Variants in KDM4C observed in about 807,000 individuals in gnomAD.
The protein encoded by KDM4C is lysine-specific demethylase 4C.
In KDM4C, 81 loss-of-function variants were observed where a neutral mutation model predicts 129.3. That is an observed-to-expected ratio of 0.63 (90% CI 0.52 to 0.75). KDM4C has a LOEUF of 0.75. Ranked by LOEUF, KDM4C falls within the 30% of genes least tolerant of loss-of-function variation. The pLI, the probability that KDM4C is intolerant of heterozygous loss-of-function variation, is 0.00. For missense variants in KDM4C, 1,457 were observed against 1,304.0 expected (o/e 1.12, Z -1.81); for synonymous variants, 573 against 456.1 (o/e 1.26, Z -3.26).
At chr9:6,773,657 G>A (rs1192776044) in intron 1 of KDM4C, among the ~76,000 whole-genome samples, 1 of 151,976 alleles carries the variant, frequency 6.6e-6, no homozygotes, top group African/African-American at 2.4e-5. Flanking sequence ...TATAATCCCA[G>A]CTGCTCAGGT....
At chr9:6,940,581 T>A (rs549530671) in intron 8 of KDM4C, among the ~76,000 whole-genome samples, 13 of 150,946 alleles carry the variant, frequency 8.6e-5, no homozygotes, top group Non-Finnish European at 2.9e-5. Context: ...GCAGAGATAT[T>A]CTTGAAAGTC....
At chr9:7,082,511 T>G in intron 17 of KDM4C, among the ~76,000 whole-genome samples, 1 of 152,166 alleles carries the variant, frequency 6.6e-6, no homozygotes, top group Non-Finnish European at 1.5e-5. Flanking sequence ...GGGATATGGC[T>G]TTTTCAGTAG....
intron 4 of KDM4C, among the ~76,000 whole-genome samples, chr9:6,841,717 G>A (rs1021641571): frequency 5.9e-5 from 9 of 152,150 alleles, no homozygotes; most frequent in African/African-American, 9.7e-5. Flanking sequence ...AGGTTTGTGG[G>A]CAAGTGACTA....
chr9:6,825,038 C>T (rs577111892), intron 4 of KDM4C, among the ~76,000 whole-genome samples: 2 of 151,058 alleles, frequency 1.3e-5, no homozygotes, highest in South Asian at 2.1e-4. Flanking sequence ...CCCAGCTACC[C>T]GAGAGGCAGA....
chr9:6,801,353 C>T (rs1163404263), intron 2 of KDM4C, among the ~76,000 whole-genome samples: 2 of 148,248 alleles, frequency 1.3e-5, no homozygotes, highest in Admixed American at 1.4e-4. Flanking sequence ...CCTGCCTCAG[C>T]CTCCAGAGTA....
intron 4 of KDM4C, among the ~76,000 whole-genome samples, chr9:6,820,196 G>C (rs1303016560): frequency 6.6e-6 from 1 of 152,156 alleles, no homozygotes; most frequent in Non-Finnish European, 1.5e-5. Context: ...GGCAGTATGA[G>C]CAGGCCTGCA....
Position 6,758,516 on chromosome 9 carries a change from G to A in KDM4C, c.-18+313G>A, listed in dbSNP as rs1311291090. Among the ~76,000 whole-genome samples, 3 of 151,114 alleles carry A rather than the reference G, an allele frequency of 2.0e-5. No homozygotes were observed. On this transcript the variant is annotated intron_variant, in intron 1 of 21. Transcript: ENST00000381309. The surrounding 1 kb of genome is among the most constrained non-coding windows in gnomAD (Gnocchi z 4.6). ...CCTCCTTGGGGCAGAGGAGCGCTCGGGCGGTCCTGGGATGCGGACCTCTTA... is the reference window on the plus strand; with the variant it reads ...CCTCCTTGGGGCAGAGGAGCGCTCGAGCGGTCCTGGGATGCGGACCTCTTA...
Position 6,909,967 on chromosome 9 carries a change from GT to G in KDM4C, c.921+16736del, listed in dbSNP as rs1383353442. On this transcript the variant is annotated intron_variant, in intron 8 of 21. Transcript: ENST00000381309. Reference sequence around the variant, plus strand: ...TGAATAGAAAAGTATATGATAGGTAGTGGGTTAATATCCTTAATAAGGTGCA... The same window carrying G: ...TGAATAGAAAAGTATATGATAGGTAGGGGTTAATATCCTTAATAAGGTGCA... Among the ~76,000 whole-genome samples the G allele has an allele frequency of 9.2e-5, 14 of 152,296 alleles. No homozygotes were observed. In the East Asian group the frequency reaches 2.7e-3, roughly 29 times the overall value.
rs146913112 is a variant in KDM4C, at chr9:7,034,098, A to T, written c.2260-12764A>T. On this transcript the variant is annotated intron_variant, in intron 15 of 21. Coordinates refer to ENST00000381309, the MANE Select transcript of KDM4C (RefSeq NM_015061.6). The stretch of plus-strand genomic sequence containing the variant: ...TTAAAAAATTGTTTTTTAAATTGAC[A>T]TAATTGTACATATTCATGGGGTACA... Among the ~76,000 whole-genome samples, 7 of 152,164 alleles carry T rather than the reference A, an allele frequency of 4.6e-5. No homozygotes were observed. In the East Asian group the frequency reaches 1.4e-3, roughly 29 times the overall value.
At chr9:6,733,660 A>G (rs917490439) in intron 1 of KDM4C, among the ~76,000 whole-genome samples, 2 of 152,234 alleles carry the variant, frequency 1.3e-5, no homozygotes, top group African/African-American at 2.4e-5. Flanking sequence ...ATCTCGCGCA[A>G]GAAAGAGTTC....
At chr9:6,887,314 A>G (rs2130842191) in intron 6 of KDM4C, among the ~76,000 whole-genome samples, 1 of 152,286 alleles carries the variant, frequency 6.6e-6, no homozygotes. Context: ...CGTATAATAT[A>G]CTGTTGAATG....
At chr9:6,988,707 T>TCCA (rs1818191185) in intron 11 of KDM4C, among the ~76,000 whole-genome samples, 4 of 152,006 alleles carry the variant, frequency 2.6e-5, no homozygotes, top group Admixed American at 6.6e-5. Context: ...CATCCATCCA[T>TCCA]TCATCTTGGG....
intron 21 of KDM4C, among the ~76,000 whole-genome samples, chr9:7,171,750 G>A (rs7855553): frequency 2.0e-5 from 3 of 151,844 alleles, no homozygotes; most frequent in Non-Finnish European, 2.9e-5. Flanking sequence ...TGGCTGTCTC[G>A]GAACACAGGT....
intron 17 of KDM4C, among the ~76,000 whole-genome samples, chr9:7,069,926 T>C (rs945325195): frequency 1.3e-5 from 2 of 152,236 alleles, no homozygotes; most frequent in Admixed American, 6.5e-5. Flanking sequence ...TGAAGATAGA[T>C]TGTAATTGGG....
chr9:7,126,600 T>C (rs920935028), intron 18 of KDM4C, among the ~76,000 whole-genome samples: 2 of 152,210 alleles, frequency 1.3e-5, no homozygotes, highest in African/African-American at 4.8e-5. Flanking sequence ...TGTGGCAAAT[T>C]GATATACGCA....
chr9:6,903,325 AAC>A (rs1328388734), intron 8 of KDM4C, among the ~76,000 whole-genome samples: 1 of 152,208 alleles, frequency 6.6e-6, no homozygotes, highest in Non-Finnish European at 1.5e-5. Context: ...ATAAAATTGA[AAC>A]AGTTTTCAAA....
intron 17 of KDM4C, among the ~76,000 whole-genome samples, chr9:7,068,686 C>CTTTTTTTTTTT (rs542039227): frequency 4.7e-4 from 48 of 101,746 alleles, no homozygotes; most frequent in African/African-American, 1.8e-3. Flanking sequence ...GATGCCCTTT[C>CTTTTTTTTTTT]TTTTTTTTTT....
intron 18 of KDM4C, among the ~76,000 whole-genome samples, chr9:7,114,321 C>T (rs1307955981): frequency 6.6e-6 from 1 of 152,228 alleles, no homozygotes; most frequent in Admixed American, 6.5e-5. Flanking sequence ...AGTCTAGTCA[C>T]CCTCAGGGAC....
At chr9:7,122,210 G>C (rs562732385) in intron 18 of KDM4C, among the ~76,000 whole-genome samples, 2 of 151,706 alleles carry the variant, frequency 1.3e-5, no homozygotes, top group East Asian at 3.9e-4. Flanking sequence ...TATGGTCTGA[G>C]CAGGAGGAAG....
Sources: allele counts gnomAD v4.1 joint callset (sites outside exome capture counted in the v4.1 genomes callset), GRCh38; gene constraint gnomAD v4.1.1; non-coding constraint Gnocchi (gnomAD v3.1); transcripts MANE v1.5; gene names NCBI Gene and HGNC (gene_info 2026-07-23, HGNC 2026-07-21).